Variants in SNX7 observed in about 807,000 individuals in gnomAD.
The protein encoded by SNX7 is sorting nexin 7.
Under a neutral mutation model 48.4 loss-of-function variants are expected in SNX7, and 35 were observed. The observed-to-expected ratio is 0.72, with a 90% CI of 0.55 to 0.96. The LOEUF is 0.96. SNX7 is among the 40% of genes least tolerant of loss of function. SNX7 has a pLI of 0.00. For missense variants in SNX7, 553 were observed against 548.9 expected (o/e 1.01, Z -0.07); for synonymous variants, 190 against 190.2 (o/e 1.00, Z 0.01).
intron 7 of SNX7, among the ~76,000 whole-genome samples, chr1:98,724,284 T>A (rs560669001): frequency 6.6e-6 from 1 of 152,108 alleles, no homozygotes; most frequent in Non-Finnish European, 1.5e-5. Flanking sequence ...TGGCCATTGC[T>A]GGGTTTGGCT....
intron 8 of SNX7, among the ~76,000 whole-genome samples, chr1:98,756,195 A>G (rs1198985398): frequency 6.6e-6 from 1 of 151,914 alleles, no homozygotes; most frequent in Non-Finnish European, 1.5e-5. Flanking sequence ...AGAACCTACA[A>G]ATGTGTTTTT....
At chr1:98,712,463 A>G (rs1652363291) in intron 7 of SNX7, among the ~76,000 whole-genome samples, 2 of 152,216 alleles carry the variant, frequency 1.3e-5, no homozygotes, top group African/African-American at 4.8e-5. Context: ...TCAGTGACCA[A>G]GTACATTGTC....
intron 8 of SNX7, among the ~76,000 whole-genome samples, chr1:98,740,501 A>G (rs1654018675): frequency 6.6e-6 from 1 of 152,184 alleles, no homozygotes; most frequent in Admixed American, 6.6e-5. Context: ...CACATGACAA[A>G]TGCACTTAAT....
At chr1:98,696,142 G>A (rs1467625981) in intron 5 of SNX7, among the ~76,000 whole-genome samples, 5 of 151,816 alleles carry the variant, frequency 3.3e-5, no homozygotes, top group Admixed American at 2.6e-4. Flanking sequence ...TTACGTATTG[G>A]AAAATCTGCC....
At chr1:98,717,484 G>A (rs1652650090) in intron 7 of SNX7, among the ~76,000 whole-genome samples, 1 of 152,110 alleles carries the variant, frequency 6.6e-6, no homozygotes, top group Non-Finnish European at 1.5e-5. Context: ...CTTGTACATA[G>A]CCTACTACTG....
intron 4 of SNX7, 61 bp downstream of exon 4, chr1:98,691,760 A>G: frequency 7.7e-7 from 1 of 1,303,444 alleles, no homozygotes; most frequent in East Asian, 2.7e-5. Context: ...AGTAGATTGT[A>G]TTGTTCCTCT....
intron 7 of SNX7, among the ~76,000 whole-genome samples, chr1:98,714,325 T>C (rs1652472141): frequency 2.0e-5 from 3 of 152,172 alleles, no homozygotes; most frequent in Non-Finnish European, 2.9e-5. Context: ...TCCTGTGAGA[T>C]AGGTAGTAAT....
At chr1:98,662,101 C>G in intron 1 of SNX7, 190 bp downstream of exon 1, 3 of 507,696 alleles carry the variant, frequency 5.9e-6, no homozygotes, top group East Asian at 7.1e-5. Flanking sequence ...CGCGTCGCCT[C>G]GGGGCCTCAA....
chr1:98,662,862 C>G (rs1303305715), intron 1 of SNX7: 1 of 1,287,068 alleles, frequency 7.8e-7, no homozygotes, highest in Non-Finnish European at 1.0e-6. Flanking sequence ...TCTGGGAGAG[C>G]AAACCAAAGT....
chr1:98,675,077 A>G (rs767665188), intron 1 of SNX7, among the ~76,000 whole-genome samples: 2 of 152,234 alleles, frequency 1.3e-5, no homozygotes, highest in Non-Finnish European at 2.9e-5. Context: ...AAATAGAGAC[A>G]GAGAGACACA....
At chr1:98,750,446 A>T (rs1654525989) in intron 8 of SNX7, among the ~76,000 whole-genome samples, 1 of 152,124 alleles carries the variant, frequency 6.6e-6, no homozygotes, top group Admixed American at 6.6e-5. Flanking sequence ...GGGTGTTAAA[A>T]TATAAATGTA....
At chr1:98,724,773 T>C (rs1653079888) in intron 7 of SNX7, among the ~76,000 whole-genome samples, 1 of 152,210 alleles carries the variant, frequency 6.6e-6, no homozygotes. Flanking sequence ...TGCAGTGATT[T>C]AAAAAGGTTT....
At chr1:98,713,603 G>A (rs1398069291) in intron 7 of SNX7, among the ~76,000 whole-genome samples, 2 of 152,250 alleles carry the variant, frequency 1.3e-5, no homozygotes, top group East Asian at 1.9e-4. Flanking sequence ...TCCTCACTAA[G>A]TTTAATCATT....
intron 7 of SNX7, among the ~76,000 whole-genome samples, chr1:98,733,493 T>A (rs1557829082): frequency 6.6e-6 from 1 of 152,130 alleles, no homozygotes; most frequent in Non-Finnish European, 1.5e-5. Context: ...ATTGCCTGCC[T>A]CTCTGTCCTT....
chr1:98,726,121 AG>A (rs1653151726), intron 7 of SNX7, among the ~76,000 whole-genome samples: 1 of 152,120 alleles, frequency 6.6e-6, no homozygotes, highest in Non-Finnish European at 1.5e-5. Flanking sequence ...CATTTTACAG[AG>A]GGGGAAACTG....
chr1:98,750,700 A>G (rs1398029848), intron 8 of SNX7, among the ~76,000 whole-genome samples: 3 of 152,080 alleles, frequency 2.0e-5, no homozygotes, highest in Non-Finnish European at 4.4e-5. Flanking sequence ...TGAATGAATG[A>G]AAGAAAAGCA....
chr1:98,746,149 G>A, intron 8 of SNX7, among the ~76,000 whole-genome samples: 1 of 151,878 alleles, frequency 6.6e-6, no homozygotes, highest in Non-Finnish European at 1.5e-5. Flanking sequence ...TTATTACCAG[G>A]AAATTTGGAT....
chr1:98,708,071 T>G (rs935452907), intron 7 of SNX7, among the ~76,000 whole-genome samples: 1 of 152,232 alleles, frequency 6.6e-6, no homozygotes, highest in Admixed American at 6.5e-5. Flanking sequence ...TTCCTTTTCT[T>G]AAATATTTTC....
At chr1:98,689,900 G>A (rs767615401) in intron 2 of SNX7, among the ~76,000 whole-genome samples, 23 of 152,022 alleles carry the variant, frequency 1.5e-4, no homozygotes, top group Non-Finnish European at 2.9e-4. Context: ...AGTGTTTTGT[G>A]AACATTTAGT....
Sources: gnomAD v4.1 joint callset for allele counts (sites outside exome capture counted in the v4.1 genomes callset) on GRCh38, gnomAD v4.1.1 for gene constraint, MANE v1.5 for transcripts, NCBI Gene and HGNC (gene_info 2026-07-23, HGNC 2026-07-21) for gene names.